Variants in DNM3 observed in about 807,000 individuals in gnomAD.
DNM3 encodes dynamin-3.
DNM3 carries 47 observed loss-of-function variants against 101.6 expected under a neutral mutation model. That is an observed-to-expected ratio of 0.46 (90% confidence interval 0.37 to 0.59). DNM3 has a LOEUF of 0.59. Ranked by LOEUF, DNM3 falls within the 20% of genes least tolerant of loss-of-function variation. The probability of loss-of-function intolerance (pLI) is 0.00; values close to 1 mark genes in which losing one functional copy is unlikely to be tolerated. For synonymous variants in DNM3, 385 were observed against 387.9 expected, an observed-to-expected ratio of 0.99 and a Z score of 0.09; for missense variants, 849 against 1,085.7, an observed-to-expected ratio of 0.78 and a Z score of 3.06.
intron 2 of DNM3, among the ~76,000 whole-genome samples, chr1:171,943,552 A>C (rs79074610): frequency 0.1 from 15,338 of 152,262 alleles, 959 homozygotes; most frequent in East Asian, 0.33. Flanking sequence ...ATTAATTCTA[A>C]GTTTTTAGAC....
intron 9 of DNM3, among the ~76,000 whole-genome samples, chr1:172,044,935 G>A (rs530222162): frequency 1.3e-5 from 2 of 152,324 alleles, no homozygotes; most frequent in South Asian, 2.1e-4. Context: ...GCTTGCACAT[G>A]TGGGAGCGTG....
At chr1:172,065,661 C>T (rs2051596232) in intron 10 of DNM3, among the ~76,000 whole-genome samples, 1 of 152,058 alleles carries the variant, frequency 6.6e-6, no homozygotes, top group Admixed American at 6.6e-5. Context: ...CCCAGGTGAG[C>T]GTGCATCTCA....
intron 20 of DNM3, among the ~76,000 whole-genome samples, chr1:172,406,492 A>C (rs961431813): frequency 1.2e-4 from 19 of 152,174 alleles, no homozygotes; most frequent in Non-Finnish European, 2.1e-4. Context: ...CTCCCCAAAG[A>C]AAGATTTCCT....
intron 13 of DNM3, among the ~76,000 whole-genome samples, chr1:172,111,829 T>C (rs980851700): frequency 2.0e-4 from 31 of 151,918 alleles, no homozygotes; most frequent in Admixed American, 2.0e-4. Flanking sequence ...AATCTTAGAA[T>C]GTTACTTTCA....
chr1:172,195,863 A>AT lies in DNM3; in HGVS notation c.1660-57700dup, dbSNP rs924084544. Among the ~76,000 whole-genome samples the AT allele has an allele frequency of 1.1e-3, 166 of 147,840 alleles. 1 individual carries two copies. The highest frequency in any genetic ancestry group is 3.7e-3 in the African/African-American group (150 of 40,298). On this transcript the variant is annotated intron_variant, in intron 14 of 20. Coordinates refer to ENST00000627582, the MANE Select transcript of DNM3 (RefSeq NM_015569.5). ...TTTCTGCATCTATGTTACTAAGTGG[A>AT]TTTTTTTTTTAGTTTTCCTTTTTTG... is the stretch of plus-strand genomic sequence containing the variant.
chr1:172,104,455 T>G (rs926669768), intron 13 of DNM3, among the ~76,000 whole-genome samples: 24 of 152,238 alleles, frequency 1.6e-4, no homozygotes, highest in African/African-American at 5.8e-4. Context: ...TATTGACCAC[T>G]AGTATCTTCT....
At chr1:171,889,186 C>A (rs1256105178) in intron 1 of DNM3, among the ~76,000 whole-genome samples, 3 of 152,046 alleles carry the variant, frequency 2.0e-5, no homozygotes, top group Non-Finnish European at 4.4e-5. Flanking sequence ...GCTATGTTGC[C>A]TGGGTTGGTC....
intron 6 of DNM3, among the ~76,000 whole-genome samples, chr1:172,037,096 T>A (rs981362922): frequency 1.3e-5 from 2 of 152,010 alleles, no homozygotes; most frequent in Middle Eastern, 3.2e-3. Context: ...TGAGATACCA[T>A]CTCACACCAG....
chr1:171,995,096 GTTTTTTTTTTTTTT>G (rs35925537), intron 4 of DNM3, among the ~76,000 whole-genome samples: 3 of 49,636 alleles, frequency 6.0e-5, no homozygotes, highest in Admixed American at 2.7e-4. Context: ...TGAAATCCAG[GTTTTTTTTTTTTTT>G]TTTTTTTTTT....
At position 172,151,560 on chromosome 1, in the gene DNM3, G is replaced by A. The variant is rs572661680; in HGVS notation, c.1659+20272G>A. 8.5e-5 allele frequency among the ~76,000 whole-genome samples: 13 copies of A among 152,242 alleles called. No homozygotes were observed. In the South Asian group the frequency reaches 2.7e-3, roughly 32 times the overall value. ...CCTCAGGTTCTTCAAGAAAAAACTA[G>A]CCTTTGTTTTCATTGGCCAGAATGG... On this transcript the variant is annotated intron_variant, in intron 14 of 20. Coordinates refer to ENST00000627582, the MANE Select transcript of DNM3 (RefSeq NM_015569.5).
intron 13 of DNM3, among the ~76,000 whole-genome samples, chr1:172,108,282 T>C (rs1266087855): frequency 6.6e-6 from 1 of 152,082 alleles, no homozygotes; most frequent in African/African-American, 2.4e-5. Flanking sequence ...CACCCCCTAG[T>C]GAAGTCCCTC....
rs140620356 is a variant in DNM3 at position 171,931,724 on chromosome 1, A to G, written c.235+9903A>G. ...AATATCTTTCTGTTTTATTGTACCA[A>G]TTCCACAGTGTTTTACTTTTGTGGG... On this transcript the variant is annotated intron_variant, in intron 2 of 20. Coordinates refer to ENST00000627582, the MANE Select transcript of DNM3 (RefSeq NM_015569.5). 7.7e-4 allele frequency among the ~76,000 whole-genome samples: 117 copies of G among 152,280 alleles called. 2 individuals are homozygous for G. In the East Asian group the frequency reaches 0.021, roughly 28 times the overall value.
chr1:172,156,244 T>C (rs1325365602), intron 14 of DNM3, among the ~76,000 whole-genome samples: 4 of 152,060 alleles, frequency 2.6e-5, no homozygotes, highest in South Asian at 4.1e-4. Flanking sequence ...AAAAATCTAA[T>C]ATGACCACCC....
intron 10 of DNM3, among the ~76,000 whole-genome samples, chr1:172,052,882 G>C (rs2050306601): frequency 6.6e-6 from 1 of 152,080 alleles, no homozygotes; most frequent in Non-Finnish European, 1.5e-5. Flanking sequence ...TCTAGCTCAA[G>C]CCTCTTTATG....
intron 14 of DNM3, among the ~76,000 whole-genome samples, chr1:172,153,007 A>G (rs768018280): frequency 5.3e-5 from 8 of 152,174 alleles, no homozygotes; most frequent in Non-Finnish European, 1.2e-4. Flanking sequence ...GTACAGATTT[A>G]ATTAGTTATA....
chr1:172,141,620 C>A (rs1459177942), intron 14 of DNM3, among the ~76,000 whole-genome samples: 1 of 151,998 alleles, frequency 6.6e-6, no homozygotes, highest in Non-Finnish European at 1.5e-5. Flanking sequence ...GGGGAGAATT[C>A]TTTCGTTAGG....
chr1:172,400,594 C>G (rs1354176404), intron 20 of DNM3, among the ~76,000 whole-genome samples: 1 of 152,150 alleles, frequency 6.6e-6, no homozygotes, highest in African/African-American at 2.4e-5. Flanking sequence ...CTCTGCGTTT[C>G]TTTTAGCTCT....
At chr1:172,269,452 G>T (rs541974769) in intron 15 of DNM3, among the ~76,000 whole-genome samples, 2 of 152,206 alleles carry the variant, frequency 1.3e-5, no homozygotes, top group East Asian at 3.9e-4. Flanking sequence ...TTGTAAACAT[G>T]CTACAGAAAA....
In DNM3 at chr1:172,409,183, T is replaced by C. The variant is rs1286119188; in HGVS notation, c.*1342T>C. 3.0e-6 allele frequency: 3 copies of C among 985,260 alleles called. No homozygotes were observed. The highest frequency in any genetic ancestry group is 3.6e-6 in the Non-Finnish European group (3 of 829,896). 61.0% of individuals were successfully genotyped at this position (985,260 alleles called of 1,614,324 possible). ...CAACTGGAATTTTGTGTGCTAACTG[T>C]TCCCAGACAGCAGAGCAAGTATTCA... is the stretch of plus-strand genomic sequence containing the variant. On this transcript the variant is annotated 3_prime_UTR_variant, in exon 21 of 21. Transcript: ENST00000627582.
Sources: gnomAD v4.1 joint callset for allele counts (sites outside exome capture counted in the v4.1 genomes callset) on GRCh38, gnomAD v4.1.1 for gene constraint, MANE v1.5 for transcripts, NCBI Gene and HGNC (gene_info 2026-07-23, HGNC 2026-07-21) for gene names.